Variants in RBFOX1 observed in about 807,000 individuals in gnomAD.
The protein encoded by RBFOX1 is RNA binding fox-1 homolog 1.
In RBFOX1, 8 loss-of-function variants were observed where a neutral mutation model predicts 57.7. That is an observed-to-expected ratio of 0.14 (90% CI 0.08 to 0.25). The LOEUF is 0.25. RBFOX1 is among the 10% of genes least tolerant of loss of function. The pLI, the probability that RBFOX1 is intolerant of heterozygous loss-of-function variation, is 1.00. For synonymous variants in RBFOX1, 326 were observed against 222.4 expected (o/e 1.47, Z -4.15); for missense variants, 611 against 548.5 (o/e 1.11, Z -1.14).
chr16:5,916,868 G>C (rs189498943), intron 4 of RBFOX1, among the ~76,000 whole-genome samples: 1 of 152,060 alleles, frequency 6.6e-6, no homozygotes, highest in Non-Finnish European at 1.5e-5. Flanking sequence ...CTCTCCTGAC[G>C]GGGGAAAGCA....
At chr16:5,351,799 ATTC>A (rs542918900) in intron 1 of RBFOX1, among the ~76,000 whole-genome samples, 85 of 152,010 alleles carry the variant, frequency 5.6e-4, no homozygotes, top group Non-Finnish European at 9.1e-4. Context: ...CTAAGTCTCC[ATTC>A]TTCTTCTTCT....
chr16:5,590,462 G>C (rs1376619456), intron 2 of RBFOX1, among the ~76,000 whole-genome samples: 2 of 152,138 alleles, frequency 1.3e-5, no homozygotes, highest in Admixed American at 6.6e-5. Context: ...CATTTCCTAC[G>C]AAGGGCTGGG....
At chr16:6,569,511 T>G (rs1291882521) in intron 2 of RBFOX1, among the ~76,000 whole-genome samples, 1 of 152,214 alleles carries the variant, frequency 6.6e-6, no homozygotes, top group Non-Finnish European at 1.5e-5. Context: ...TAGATGGAAG[T>G]GTCCTAGACA....
At chr16:6,938,977 G>C (rs542655448) in intron 3 of RBFOX1, among the ~76,000 whole-genome samples, 1 of 152,082 alleles carries the variant, frequency 6.6e-6, no homozygotes, top group African/African-American at 2.4e-5. Context: ...ATTTTGCCCA[G>C]GAATGCACTG....
In RBFOX1 at chr16:5,345,186, G is replaced by T. The variant is rs116078488; in HGVS notation, c.219+105081G>T. ...AGAGGCAGGGCTGTGCTCTGTTCTG[G>T]GTGGAAGCCAGTCCCTTTCTTTAGT... On this transcript the variant is annotated intron_variant, in intron 1 of 2. Transcript: ENST00000585867. Among the ~76,000 whole-genome samples the T allele has an allele frequency of 9.9e-3, 1,504 of 152,256 alleles. 19 individuals carry two copies. The highest frequency in any genetic ancestry group is 0.033 in the African/African-American group (1,373 of 41,528).
chr16:5,554,519 C>G (rs979268927), intron 2 of RBFOX1, among the ~76,000 whole-genome samples: 1 of 151,278 alleles, frequency 6.6e-6, no homozygotes, highest in African/African-American at 2.4e-5. Context: ...ATAAAGCTGA[C>G]CATTTTTACT....
chr16:6,775,437 A>G (rs553229324), intron 3 of RBFOX1, among the ~76,000 whole-genome samples: 2 of 151,542 alleles, frequency 1.3e-5, no homozygotes, highest in Middle Eastern at 3.4e-3. Context: ...AAGGATTTTA[A>G]CATCTTGTCT....
intron 3 of RBFOX1, among the ~76,000 whole-genome samples, chr16:6,763,089 C>G (rs977756926): frequency 4.6e-5 from 7 of 152,272 alleles, no homozygotes; most frequent in East Asian, 1.9e-4. Flanking sequence ...ATTACGAGAA[C>G]TTATGTAAAT....
intron 3 of RBFOX1, among the ~76,000 whole-genome samples, chr16:6,923,516 G>A (rs1005919027): frequency 1.3e-5 from 2 of 152,162 alleles, no homozygotes; most frequent in Admixed American, 6.5e-5. Context: ...CTGGATGATG[G>A]AGAAAGACTC....
chr16:6,151,322 G>A (rs979068870), intron 1 of RBFOX1, among the ~76,000 whole-genome samples: 2 of 152,066 alleles, frequency 1.3e-5, no homozygotes, highest in Admixed American at 1.3e-4. Context: ...GTCTCACTCT[G>A]TCACCCAGGC....
intron 4 of RBFOX1, among the ~76,000 whole-genome samples, chr16:7,259,440 G>C (rs1344987281): frequency 6.6e-6 from 1 of 151,818 alleles, no homozygotes; most frequent in Non-Finnish European, 1.5e-5. Flanking sequence ...CCCCTGTAGA[G>C]TTCATGCCAT....
chr16:6,863,297 T>C (rs555522716), intron 3 of RBFOX1, among the ~76,000 whole-genome samples: 1 of 152,014 alleles, frequency 6.6e-6, no homozygotes, highest in East Asian at 1.9e-4. Flanking sequence ...GAAAAGTGAT[T>C]AGCAGCAAAT....
chr16:5,529,626 G>C (rs1200479582), intron 2 of RBFOX1, among the ~76,000 whole-genome samples: 1 of 150,950 alleles, frequency 6.6e-6, no homozygotes, highest in Non-Finnish European at 1.5e-5. Context: ...GAGTGCAATG[G>C]TGCAATTTTG....
At chr16:7,173,512 G>C (rs1214606721) in intron 4 of RBFOX1, among the ~76,000 whole-genome samples, 1 of 152,004 alleles carries the variant, frequency 6.6e-6, no homozygotes, top group African/African-American at 2.4e-5. Flanking sequence ...TCTCTCAGAA[G>C]TCATTTTGTC....
chr16:7,286,056 T>C (rs2095645095), intron 4 of RBFOX1, among the ~76,000 whole-genome samples: 1 of 152,216 alleles, frequency 6.6e-6, no homozygotes. Context: ...GGGAACACTG[T>C]ACAATTCTTA....
chr16:6,830,268 T>C (rs1276375255), intron 3 of RBFOX1, among the ~76,000 whole-genome samples: 1 of 152,220 alleles, frequency 6.6e-6, no homozygotes, highest in Non-Finnish European at 1.5e-5. Context: ...GAAAAGATTG[T>C]GCATTCTGAT....
chr16:5,895,648 T>C (rs1399915829), intron 4 of RBFOX1, among the ~76,000 whole-genome samples: 1 of 152,222 alleles, frequency 6.6e-6, no homozygotes, highest in East Asian at 1.9e-4. Context: ...ACGTGCAGTC[T>C]AACTGTGGGT....
intron 4 of RBFOX1, among the ~76,000 whole-genome samples, chr16:7,078,673 TTTTA>T (rs2058676682): frequency 6.8e-6 from 1 of 147,868 alleles, no homozygotes; most frequent in Admixed American, 6.7e-5. Context: ...TTTTATCTTA[TTTTA>T]TTTATTTTAT....
At chr16:5,955,336 TAAAA>T (rs2059609747) in intron 4 of RBFOX1, among the ~76,000 whole-genome samples, 38 of 50,320 alleles carry the variant, frequency 7.6e-4, no homozygotes, top group Non-Finnish European at 8.6e-4. Context: ...TAAAATAAAA[TAAAA>T]TAAAATAAAA....
Sources: gnomAD v4.1 joint callset for allele counts (sites outside exome capture counted in the v4.1 genomes callset) on GRCh38, gnomAD v4.1.1 for gene constraint, MANE v1.5 for transcripts, NCBI Gene and HGNC (gene_info 2026-07-23, HGNC 2026-07-21) for gene names.